The following TOP6BL variants were observed in gnomAD, a reference collection of about 807,000 sequenced individuals.
TOP6BL encodes the protein TOP6B like initiator of meiotic double strand breaks, also known as type 2 DNA topoisomerase 6 subunit B-like.
chr11:66,766,717 T>C, the TOP6BL span, among the ~76,000 whole-genome samples: 1 of 152,228 alleles, frequency 6.6e-6, no homozygotes, highest in South Asian at 2.1e-4. Flanking sequence ...AGACTTTAAC[T>C]AACATTAACT....
the TOP6BL span, among the ~76,000 whole-genome samples, chr11:66,756,955 C>T: frequency 6.6e-6 from 1 of 151,744 alleles, no homozygotes; most frequent in Non-Finnish European, 1.5e-5. Flanking sequence ...AAAATATCTA[C>T]CCACCTCAGC....
the TOP6BL span, among the ~76,000 whole-genome samples, chr11:66,811,701 G>A: frequency 2.6e-5 from 4 of 152,290 alleles, no homozygotes; most frequent in Admixed American, 1.3e-4. Context: ...AGTTAAAGTT[G>A]TATACTAATA....
chr11:66,825,982 C>T, the TOP6BL span, among the ~76,000 whole-genome samples: 1,638 of 152,188 alleles, frequency 0.011, 36 homozygotes, highest in African/African-American at 0.037. Flanking sequence ...GCTGGGACTA[C>T]AGGCGCCCGC....
At chr11:66,822,792 C>T in the TOP6BL span, 10 of 676,612 alleles carry the variant, frequency 1.5e-5, no homozygotes, top group Non-Finnish European at 2.3e-5. Context: ...TTGCTTGAGC[C>T]CAGGAATTTG....
the TOP6BL span, among the ~76,000 whole-genome samples, chr11:66,780,454 C>A: frequency 9.9e-5 from 15 of 152,084 alleles, no homozygotes; most frequent in African/African-American, 3.6e-4. Context: ...TCTTAAAATG[C>A]CTTTACCTTA....
At chr11:66,820,339 C>T in the TOP6BL span, among the ~76,000 whole-genome samples, 1 of 152,154 alleles carries the variant, frequency 6.6e-6, no homozygotes, top group African/African-American at 2.4e-5. Context: ...TGGAAAAAGC[C>T]AGCCAGTTTT....
the TOP6BL span, among the ~76,000 whole-genome samples, chr11:66,778,973 A>T: frequency 1.3e-5 from 2 of 152,244 alleles, no homozygotes; most frequent in African/African-American, 4.8e-5. Context: ...TAGAAAGCTG[A>T]AACTGGATCC....
chr11:66,834,974 G>GC, the TOP6BL span, among the ~76,000 whole-genome samples: 5 of 149,230 alleles, frequency 3.4e-5, no homozygotes, highest in African/African-American at 1.2e-4. Flanking sequence ...CCCAGAATGA[G>GC]CAGGAGTAGT....
the TOP6BL span, among the ~76,000 whole-genome samples, chr11:66,824,931 G>A: frequency 6.6e-6 from 1 of 152,034 alleles, no homozygotes; most frequent in Non-Finnish European, 1.5e-5. Flanking sequence ...CTTTATAGCA[G>A]CATGATTTAT....
chr11:66,767,433 G>A, the TOP6BL span, among the ~76,000 whole-genome samples: 2 of 152,122 alleles, frequency 1.3e-5, no homozygotes, highest in African/African-American at 4.8e-5. Flanking sequence ...GAAAGTGGAT[G>A]GAGGAATATG....
At chr11:66,744,913 G>T in the TOP6BL span, 1 of 1,261,260 alleles carries the variant, frequency 7.9e-7, no homozygotes. Context: ...CCGTGGCCGT[G>T]TTCGAGGTGA....
chr11:66,821,244 G>C, the TOP6BL span, among the ~76,000 whole-genome samples: 2 of 151,802 alleles, frequency 1.3e-5, no homozygotes, highest in Non-Finnish European at 2.9e-5. Context: ...AAATTCATCA[G>C]TGTATTAGTA....
At chr11:66,795,301 T>C in the TOP6BL span, among the ~76,000 whole-genome samples, 3 of 150,886 alleles carry the variant, frequency 2.0e-5, no homozygotes, top group African/African-American at 4.9e-5. Context: ...TTTCTTTCCT[T>C]CTTTTTTTTT....
At chr11:66,810,430 C>CA in the TOP6BL span, among the ~76,000 whole-genome samples, 5 of 152,148 alleles carry the variant, frequency 3.3e-5, no homozygotes, top group African/African-American at 1.2e-4. Flanking sequence ...AGACAGGTTT[C>CA]AATCAGTTTA....
the TOP6BL span, among the ~76,000 whole-genome samples, chr11:66,802,071 C>T: frequency 5.6e-4 from 85 of 152,272 alleles, no homozygotes; most frequent in Admixed American, 1.2e-3. Flanking sequence ...CTCACTGCAG[C>T]CTTGGTCTCC....
chr11:66,775,430 TCTC>T, the TOP6BL span, among the ~76,000 whole-genome samples: 1 of 152,224 alleles, frequency 6.6e-6, no homozygotes, highest in Admixed American at 6.5e-5. Context: ...TGCCTGCTCT[TCTC>T]CTGGGAGATT....
the TOP6BL span, among the ~76,000 whole-genome samples, chr11:66,780,991 T>C: frequency 2.3e-3 from 352 of 152,332 alleles, 7 homozygotes; most frequent in East Asian, 0.034. Context: ...TCTTTATCTT[T>C]GGTTTTTATC....
At chr11:66,783,078 G>GCT in the TOP6BL span, among the ~76,000 whole-genome samples, 1 of 152,190 alleles carries the variant, frequency 6.6e-6, no homozygotes, top group Non-Finnish European at 1.5e-5. Flanking sequence ...GGGTGAGGTG[G>GCT]CTCATGCCTG....
chr11:66,809,766 C>T, the TOP6BL span, among the ~76,000 whole-genome samples: 11 of 152,066 alleles, frequency 7.2e-5, no homozygotes, highest in East Asian at 1.9e-4. Context: ...TGCAGTTGTG[C>T]GATCATAGCT....
Sources: gnomAD v4.1 joint callset for allele counts (sites outside exome capture counted in the v4.1 genomes callset) on GRCh38, gnomAD v4.1.1 for gene constraint, MANE v1.5 for transcripts, NCBI Gene and HGNC (gene_info 2026-07-23, HGNC 2026-07-21) for gene names.